The following NCKAP5 variants were observed in gnomAD, a reference collection of about 807,000 sequenced individuals.
NCKAP5 encodes the protein NCK associated protein 5, also known as nck-associated protein 5.
In NCKAP5, 92 loss-of-function variants were observed where a neutral mutation model predicts 167.0. The ratio of observed to expected loss-of-function variants is 0.55; its 90% CI spans 0.47 to 0.66. NCKAP5 has a LOEUF of 0.66. Among genes scored for constraint, NCKAP5 ranks in the 30% least tolerant of loss-of-function variants. NCKAP5 has a pLI of 0.00. For synonymous variants in NCKAP5, 891 were observed against 877.4 expected (o/e 1.02, Z -0.27); for missense variants, 2,378 against 2,315.0 (o/e 1.03, Z -0.56).
At chr2:132,862,310 G>T (rs933339640) in intron 10 of NCKAP5, among the ~76,000 whole-genome samples, 10 of 152,218 alleles carry the variant, frequency 6.6e-5, no homozygotes, top group African/African-American at 2.4e-4. Flanking sequence ...ACAGGCCAAG[G>T]TATAGCCCAC....
rs551101170 is a variant in NCKAP5, at chr2:132,963,715, C to T, written c.579+5G>A. 1 of 1,611,320 alleles carries T rather than the reference C, an allele frequency of 6.2e-7. No individual in the cohort carries two copies. The highest frequency in any genetic ancestry group is 2.2e-5 in the East Asian group (1 of 44,848). The stretch of plus-strand genomic sequence containing the variant: ...GAAGAGTGTAAAAATTGCTTCATTT[C>T]TTACCTCTAGAGCTTTCAATCTCTC... On this transcript the variant is annotated splice_donor_5th_base_variant and intron_variant, in intron 8 of 19. Coordinates refer to ENST00000409261, the MANE Select transcript of NCKAP5 (RefSeq NM_207363.3).
chr2:133,667,097 T>C, the NCKAP5 span, among the ~76,000 whole-genome samples: 1 of 152,082 alleles, frequency 6.6e-6, no homozygotes, highest in African/African-American at 2.4e-5. Context: ...GAAAGCCTGA[T>C]TAACATTCAG....
chr2:133,110,001 AAAG>A (rs2081855100), intron 6 of NCKAP5, among the ~76,000 whole-genome samples: 1 of 152,234 alleles, frequency 6.6e-6, no homozygotes, highest in Admixed American at 6.5e-5. Flanking sequence ...CTTCAGAGAA[AAAG>A]AAGAAATGCA....
chr2:133,467,223 T>A (rs1455525171), intron 3 of NCKAP5, among the ~76,000 whole-genome samples: 1 of 150,324 alleles, frequency 6.7e-6, no homozygotes, highest in East Asian at 2.0e-4. Flanking sequence ...GCATGAAGGG[T>A]TGTTGAATTT....
intron 5 of NCKAP5, among the ~76,000 whole-genome samples, chr2:133,174,717 T>TC (rs369457535): frequency 2.6e-4 from 36 of 138,056 alleles, no homozygotes; most frequent in South Asian, 6.9e-4. Flanking sequence ...TTTTTTTTTC[T>TC]CCCCCCTGCT....
intron 2 of NCKAP5, among the ~76,000 whole-genome samples, chr2:133,535,504 G>A (rs1685691505): frequency 6.6e-6 from 1 of 151,950 alleles, no homozygotes; most frequent in Admixed American, 6.6e-5. Context: ...ATTCCATGGT[G>A]TTGTGTGTGT....
At chr2:133,205,364 C>T (rs1433516350) in intron 5 of NCKAP5, among the ~76,000 whole-genome samples, 1 of 151,760 alleles carries the variant, frequency 6.6e-6, no homozygotes, top group Non-Finnish European at 1.5e-5. Context: ...CAAAAATTGT[C>T]AGAGCAGCCT....
At chr2:133,406,424 A>T (rs1409924461) in intron 3 of NCKAP5, among the ~76,000 whole-genome samples, 2 of 152,164 alleles carry the variant, frequency 1.3e-5, no homozygotes, top group East Asian at 3.9e-4. Flanking sequence ...GTGAGAAGAG[A>T]CGTGAAATAT....
intron 19 of NCKAP5, among the ~76,000 whole-genome samples, chr2:132,684,218 C>T (rs1685637069): frequency 6.6e-6 from 1 of 152,198 alleles, no homozygotes; most frequent in Admixed American, 6.5e-5. Flanking sequence ...GTATGTCTGC[C>T]CTGCATGGCT....
chr2:132,884,415 C>T (rs1354129653), intron 8 of NCKAP5, among the ~76,000 whole-genome samples: 1 of 152,222 alleles, frequency 6.6e-6, no homozygotes, highest in African/African-American at 2.4e-5. Flanking sequence ...CTCAGTTCCT[C>T]CTCCAGACCA....
intron 3 of NCKAP5, among the ~76,000 whole-genome samples, chr2:133,410,169 C>T (rs1314907839): frequency 3.3e-5 from 5 of 152,210 alleles, no homozygotes; most frequent in African/African-American, 9.7e-5. Flanking sequence ...GAAGAATTTA[C>T]AGCCATGATT....
chr2:133,547,580 G>A (rs1168183179), intron 2 of NCKAP5, among the ~76,000 whole-genome samples: 23 of 151,638 alleles, frequency 1.5e-4, no homozygotes, highest in East Asian at 1.2e-3. Context: ...CCTGACCCCC[G>A]AGCAGCCTAA....
chr2:133,362,012 GA>G (rs112037723), intron 3 of NCKAP5, among the ~76,000 whole-genome samples: 30,541 of 146,620 alleles, frequency 0.21, 3,111 homozygotes, highest in African/African-American at 0.24. Flanking sequence ...TTTAAAAAAT[GA>G]AAAAAAAAAC....
chr2:133,237,431 C>T (rs2087474994), intron 4 of NCKAP5, among the ~76,000 whole-genome samples: 1 of 152,136 alleles, frequency 6.6e-6, no homozygotes, highest in Non-Finnish European at 1.5e-5. Context: ...TAGAACATTG[C>T]ATTAAAAACT....
intron 15 of NCKAP5, among the ~76,000 whole-genome samples, chr2:132,774,701 C>T (rs1682394966): frequency 6.6e-6 from 1 of 152,280 alleles, no homozygotes; most frequent in African/African-American, 2.4e-5. Context: ...AATCCAGTAG[C>T]AGGAGAAGTA....
chr2:132,788,767 TATTA>T (rs1225375532), intron 13 of NCKAP5, among the ~76,000 whole-genome samples: 1 of 152,210 alleles, frequency 6.6e-6, no homozygotes, highest in African/African-American at 2.4e-5. Context: ...ATCAATAATA[TATTA>T]ATTGTTATAT....
rs1685519298 is a variant in NCKAP5 at position 133,367,363 on chromosome 2, A to T, written c.70-64253T>A. On this transcript the variant is annotated intron_variant, in intron 3 of 19. Coordinates refer to ENST00000409261, the MANE Select transcript of NCKAP5 (RefSeq NM_207363.3). ...CTGGGCTTCCCCTCCAGTGAGAGTG[A>T]CTTGAATTTCATCTCAGCCACAACT... 3.3e-5 allele frequency among the ~76,000 whole-genome samples: 5 copies of T among 152,200 alleles called. No individual in the cohort carries two copies. In the South Asian group the frequency reaches 1.0e-3, roughly 32 times the overall value.
At chr2:133,205,794 T>C (rs2085923380) in intron 5 of NCKAP5, among the ~76,000 whole-genome samples, 1 of 152,108 alleles carries the variant, frequency 6.6e-6, no homozygotes, top group Admixed American at 6.5e-5. Flanking sequence ...TTAATAATTT[T>C]CTCCATCAAT....
chr2:133,245,523 C>A (rs956299479), intron 4 of NCKAP5, among the ~76,000 whole-genome samples: 2 of 152,044 alleles, frequency 1.3e-5, no homozygotes, highest in African/African-American at 4.8e-5. Flanking sequence ...TTCTTGGATT[C>A]TTTTTCTTGA....
Sources: allele counts gnomAD v4.1 joint callset (sites outside exome capture counted in the v4.1 genomes callset), GRCh38; gene constraint gnomAD v4.1.1; transcripts MANE v1.5; gene names NCBI Gene and HGNC (gene_info 2026-07-23, HGNC 2026-07-21).